Variants in AQP1 observed in about 807,000 individuals in gnomAD.
AQP1 encodes aquaporin 1 (Colton blood group).
A neutral mutation model predicts 19.7 loss-of-function variants in AQP1; 11 were observed. That is an observed-to-expected ratio of 0.56 (90% CI 0.35 to 0.92). AQP1 has a LOEUF of 0.92. Among genes scored for constraint, AQP1 ranks in the 40% least tolerant of loss-of-function variants. The probability of loss-of-function intolerance (pLI) is 0.01; values close to 1 mark genes in which losing one functional copy is unlikely to be tolerated. For missense variants in AQP1, 320 were observed against 369.7 expected, an observed-to-expected ratio of 0.87 and a Z score of 1.10; for synonymous variants, 159 against 166.7, an observed-to-expected ratio of 0.95 and a Z score of 0.36.
rs1291941073 is a variant in AQP1, at chr7:30,911,956, C to T, written c.47C>T (p.Ala16Val). Residue 16 changes from alanine (A) to valine (V), a missense_variant, in exon 1 of 4, where the codon GCC (alanine) becomes GTC (valine). Coordinates refer to ENST00000311813, the MANE Select transcript of AQP1 (RefSeq NM_198098.4). ...AAGCTCTTCTGGAGGGCAGTGGTGGCCGAGTTCCTGGCCACGACCCTCTTT... is the reference window on the plus strand; with the variant it reads ...AAGCTCTTCTGGAGGGCAGTGGTGGTCGAGTTCCTGGCCACGACCCTCTTT... Reference protein sequence around the residue: ...KKKLFWRAVVAEFLATTLFVF... With the variant: ...KKKLFWRAVVVEFLATTLFVF... 8.1e-6 allele frequency: 13 copies of T among 1,613,502 alleles called. No individual in the cohort carries two copies. The highest frequency in any genetic ancestry group is 1.1e-5 in the Non-Finnish European group (13 of 1,180,040).
chr7:30,917,147 G>A (rs529639512), intron 1 of AQP1, among the ~76,000 whole-genome samples: 1 of 152,312 alleles, frequency 6.6e-6, no homozygotes, highest in South Asian at 2.1e-4. Flanking sequence ...ACTTGTCAAG[G>A]TGGCACTGCC....
chr7:30,912,308 C>T lies in AQP1; in HGVS notation c.384+15C>T. 6.3e-7 allele frequency: 1 copy of T among 1,597,298 alleles called. No homozygotes were observed. Among genetic ancestry groups the T allele is most frequent in the Non-Finnish European group, 8.5e-7 (1 of 1,178,006 alleles). On this transcript the variant is annotated intron_variant, in intron 1 of 3. Transcript: ENST00000311813. The surrounding 1 kb of genome is among the most constrained non-coding windows in gnomAD (Gnocchi z 4.3). ...GCCGCAATGACGTGAGTGGGGTGTC[C>T]CTGGGCTTGGGGGGGTTCTAGAATG...
At chr7:30,916,000 C>G (rs1320634710) in intron 1 of AQP1, among the ~76,000 whole-genome samples, 4 of 152,154 alleles carry the variant, frequency 2.6e-5, no homozygotes, top group African/African-American at 4.8e-5. Flanking sequence ...CCGCCAGCCC[C>G]AGATGAGGGG....
At chr7:30,913,904 G>A (rs2128588451) in intron 1 of AQP1, among the ~76,000 whole-genome samples, 1 of 152,270 alleles carries the variant, frequency 6.6e-6, no homozygotes, top group African/African-American at 2.4e-5. Flanking sequence ...AGTTCTGCTG[G>A]GTAGGGTCAA....
At chr7:30,921,235 A>C (rs943608546) in intron 1 of AQP1, 1 of 1,117,330 alleles carries the variant, frequency 8.9e-7, no homozygotes, top group African/African-American at 1.6e-5. Context: ...GGGCAGCTGC[A>C]TGGGGAGGGC....
intron 1 of AQP1, among the ~76,000 whole-genome samples, chr7:30,916,201 C>T (rs574977468): frequency 1.3e-3 from 192 of 152,288 alleles, no homozygotes; most frequent in African/African-American, 4.5e-3. Context: ...ACACGGCCTC[C>T]TGGGATACCT....
chr7:30,912,040 C>T lies in AQP1; in HGVS notation c.131C>T (p.Thr44Met), dbSNP rs756198958. The change falls in exon 1 of 4, where the codon ACG becomes ATG. Residue 44 changes from threonine to methionine, a missense_variant. Coordinates refer to ENST00000311813, the MANE Select transcript of AQP1 (RefSeq NM_198098.4). This position sits in a 1 kb window ranked among gnomAD's most constrained non-coding sequence, Gnocchi z 4.3. ...GFKYPVGNNQ[T>M]AVQDNVKVSL... Reference sequence around the variant, plus strand: ...AAATACCCGGTGGGGAACAACCAGACGGCGGTCCAGGACAACGTGAAGGTG... The same window carrying T: ...AAATACCCGGTGGGGAACAACCAGATGGCGGTCCAGGACAACGTGAAGGTG... 3.7e-5 allele frequency: 60 copies of T among 1,613,356 alleles called. No homozygotes were observed. The highest frequency in any genetic ancestry group is 1.7e-4 in the African/African-American group (13 of 74,940).
At chr7:30,921,381 G>A in intron 1 of AQP1, 2 of 1,407,268 alleles carry the variant, frequency 1.4e-6, no homozygotes, top group East Asian at 2.5e-5. Flanking sequence ...TGAGGCTGAG[G>A]CCAGCAGTGG....
chr7:30,922,307 C>T (rs1791539011), intron 2 of AQP1, 77 bp downstream of exon 2: 6 of 1,513,114 alleles, frequency 4.0e-6, no homozygotes, highest in Non-Finnish European at 5.3e-6. Context: ...CATGGGCAGC[C>T]AGTGGGACTC....
chr7:30,919,827 G>A (rs1358240108), intron 1 of AQP1, among the ~76,000 whole-genome samples: 3 of 152,200 alleles, frequency 2.0e-5, no homozygotes, highest in African/African-American at 7.2e-5. Context: ...TAATGCAAGT[G>A]TATTAGATAG....
rs1232568334 is a variant in AQP1 at position 30,916,983 on chromosome 7, C to T, written c.384+4690C>T. Among the ~76,000 whole-genome samples the T allele has an allele frequency of 5.9e-5, 9 of 152,114 alleles. No homozygotes were observed. In the East Asian group the frequency reaches 1.7e-3, roughly 29 times the overall value. ...TGAGATCAGCAATTCTGATGGCCTG[C>T]GGGGGATCCTGTGCTTAGGTTTCTG... On this transcript the variant is annotated intron_variant, in intron 1 of 3. Coordinates refer to ENST00000311813, the MANE Select transcript of AQP1 (RefSeq NM_198098.4).
At chr7:30,922,712 C>T (rs1004161320) in intron 3 of AQP1, 68 bp downstream of exon 3, 3 of 1,443,874 alleles carry the variant, frequency 2.1e-6, no homozygotes, top group Non-Finnish European at 2.9e-6. Flanking sequence ...CCCACCCTCA[C>T]AGTGTCCCTT....
At chr7:30,916,740 G>GC (rs1331378605) in intron 1 of AQP1, among the ~76,000 whole-genome samples, 1 of 152,238 alleles carries the variant, frequency 6.6e-6, no homozygotes, top group African/African-American at 2.4e-5. Context: ...CGCTGTCAGG[G>GC]CCCCTTGAAA....
intron 3 of AQP1, 65 bp downstream of exon 3, chr7:30,922,709 T>C (rs878902938): frequency 1.4e-6 from 2 of 1,456,038 alleles, no homozygotes; most frequent in East Asian, 4.5e-5. Flanking sequence ...GACCCCACCC[T>C]CACAGTGTCC....
Position 30,925,188 on chromosome 7 carries a change from C to A in AQP1, c.*1559C>A, listed in dbSNP as rs1034271929. On this transcript the variant is annotated 3_prime_UTR_variant, in exon 4 of 4. Transcript: ENST00000311813. Reference sequence around the variant, plus strand: ...CATTCCCTAGCAGGAACTTCTAGCTCATTTAACAGATAAAGAAACTGAGGC... The same window carrying A: ...CATTCCCTAGCAGGAACTTCTAGCTAATTTAACAGATAAAGAAACTGAGGC... 6.6e-6 allele frequency: 1 copy of A among 152,260 alleles called. No homozygotes were observed. Among genetic ancestry groups the A allele is most frequent in the Non-Finnish European group, 1.5e-5 (1 of 68,068 alleles). 9.4% of individuals were successfully genotyped at this position (152,260 alleles called of 1,614,324 possible).
At chr7:30,916,584 A>T (rs1490561749) in intron 1 of AQP1, among the ~76,000 whole-genome samples, 1 of 152,228 alleles carries the variant, frequency 6.6e-6, no homozygotes, top group African/African-American at 2.4e-5. Context: ...CAGGGGGATC[A>T]TGAGGGGCTG....
intron 2 of AQP1, 53 bp downstream of exon 2, chr7:30,922,283 G>C: frequency 6.5e-7 from 1 of 1,535,472 alleles, no homozygotes. Flanking sequence ...GCGGGGGCTG[G>C]TGGGGTGCCC....
At position 30,921,596 on chromosome 7, in the gene AQP1, G is replaced by C; in HGVS notation, c.385-470G>C. ...AGCCCTGGAATTTAGATGCAGTCGG[G>C]CATGGGGTGGAATGTTCTGGACTTT... On this transcript the variant is annotated intron_variant, in intron 1 of 3. Coordinates refer to ENST00000311813, the MANE Select transcript of AQP1 (RefSeq NM_198098.4). The C allele has an allele frequency of 3.9e-6, 6 of 1,550,028 alleles. 1 individual carries two copies. The highest frequency in any genetic ancestry group is 5.2e-6 in the Non-Finnish European group (6 of 1,146,442).
chr7:30,923,661 G>T lies in AQP1; in HGVS notation c.*32G>T. 6.3e-7 allele frequency: 1 copy of T among 1,576,178 alleles called. No homozygotes were observed. Among genetic ancestry groups the T allele is most frequent in the Non-Finnish European group, 8.6e-7 (1 of 1,161,408 alleles). Reference sequence around the variant, plus strand: ...TCTGGCCCGGGCATCCACGTAGGGGGCAGGGGCAGGGGCGGGCGGAGGGAG... The same window carrying T: ...TCTGGCCCGGGCATCCACGTAGGGGTCAGGGGCAGGGGCGGGCGGAGGGAG... On this transcript the variant is annotated 3_prime_UTR_variant, in exon 4 of 4. Coordinates refer to ENST00000311813, the MANE Select transcript of AQP1 (RefSeq NM_198098.4). The surrounding 1 kb of genome is among the most constrained non-coding windows in gnomAD (Gnocchi z 4.8).
Sources: allele counts gnomAD v4.1 joint callset (sites outside exome capture counted in the v4.1 genomes callset), GRCh38; gene constraint gnomAD v4.1.1; non-coding constraint Gnocchi (gnomAD v3.1); transcripts MANE v1.5; gene names NCBI Gene and HGNC (gene_info 2026-07-23, HGNC 2026-07-21).